Variants in ZNF485 observed in about 807,000 individuals in gnomAD.
The protein encoded by ZNF485 is Zinc finger protein 93 (Zinc finger protein HTF34).
ZNF485 carries 9 observed loss-of-function variants against 10.8 expected under a neutral mutation model. The ratio of observed to expected loss-of-function variants is 0.83; its 90% CI spans 0.50 to 1.45. The LOEUF is 1.45. ZNF485 is among the 40% of genes most tolerant of loss of function. ZNF485 has a pLI of 0.00. For synonymous variants in ZNF485, 187 were observed against 181.0 expected (o/e 1.03, Z -0.27); for missense variants, 487 against 528.0 (o/e 0.92, Z 0.76).
intron 3 of ZNF485, among the ~76,000 whole-genome samples, 190 bp from the exon 4 acceptor site, chr10:43,609,065 C>A (rs7342073): frequency 0.68 from 103,802 of 151,776 alleles, 35,960 homozygotes; most frequent in East Asian, 0.78. Flanking sequence ...TGCCCCCTCC[C>A]TTTGCTTTAC....
Position 43,616,656 on chromosome 10 carries a change from C to T in ZNF485, c.613C>T (p.Gln205Ter). ...LKKHSTFINH[Q>*]RIHSREKPHK... ...GAAGCACTCAACGTTTATCAACCAT[C>T]AGAGAATTCATTCTAGGGAGAAACC... The change falls in exon 5 of 5, where the codon CAG becomes TAG. Residue 205 changes from glutamine (Q) to a stop codon, truncating the protein, a stop_gained. Coordinates refer to ENST00000361807, the MANE Select transcript of ZNF485 (RefSeq NM_145312.4). LOFTEE classifies it low-confidence loss of function (END_TRUNC). 2 of 1,614,170 alleles carry T rather than the reference C, an allele frequency of 1.2e-6. No individual in the cohort carries two copies. The highest frequency in any genetic ancestry group is 1.7e-5 in the Admixed American group (1 of 60,024).
chr10:43,609,778 T>A (rs1347627590), intron 4 of ZNF485, among the ~76,000 whole-genome samples: 1 of 152,188 alleles, frequency 6.6e-6, no homozygotes, highest in Non-Finnish European at 1.5e-5. Context: ...ACTCAAGCCG[T>A]CCTCCTGCCT....
chr10:43,608,886 T>C, intron 3 of ZNF485, 146 bp downstream of exon 3: 1 of 1,136,430 alleles, frequency 8.8e-7, no homozygotes, highest in Non-Finnish European at 1.2e-6. Context: ...GAGGCTGGAG[T>C]TTATGCCCCT....
At chr10:43,611,572 T>C (rs529669804) in intron 4 of ZNF485, among the ~76,000 whole-genome samples, 1 of 152,264 alleles carries the variant, frequency 6.6e-6, no homozygotes, top group Admixed American at 6.5e-5. Context: ...ATCCACCAAA[T>C]TTGGTGGGTA....
At position 43,606,458 on chromosome 10, in the gene ZNF485, G is replaced by A. The variant is rs537064926; in HGVS notation, c.-143G>A. ...TCCGCGTGGTGCGAGCGCTGCACCA[G>A]CCCCTGGCTGGTGGTTACTGTCCGA... On this transcript the variant is annotated 5_prime_UTR_variant, in exon 1 of 5. Transcript: ENST00000361807. 2.4e-4 allele frequency: 97 copies of A among 411,308 alleles called. No individual in the cohort carries two copies. The Admixed American group carries it at 2.6e-3, about 11-fold the overall frequency. The allele number at this position is 411,308 out of a possible 1,614,324, so 25.5% of individuals were successfully genotyped here. A position where few individuals can be genotyped will look rare whatever the true frequency, so the allele number is the denominator to read the frequency against.
At position 43,616,746 on chromosome 10, in the gene ZNF485, A is replaced by G. The variant is rs1421165961; in HGVS notation, c.703A>G (p.Ile235Val). ...KNSILLSHQR[I>V]HTGQKPYKCN... ...CTCAATCCTTTTAAGTCATCAGAGA[A>G]TTCATACTGGCCAGAAACCCTACAA... The change falls in exon 5 of 5, where the codon ATT becomes GTT. Residue 235 changes from isoleucine to valine, a missense_variant. Transcript: ENST00000361807. 6.2e-7 allele frequency: 1 copy of G among 1,614,164 alleles called. No homozygotes were observed. Among genetic ancestry groups the G allele is most frequent in the Admixed American group, 1.7e-5 (1 of 60,032 alleles).
At position 43,616,961 on chromosome 10, in the gene ZNF485, C is replaced by T; in HGVS notation, c.918C>T (p.Ala306=). The T allele has an allele frequency of 1.2e-6, 2 of 1,614,068 alleles. No homozygotes were observed. The highest frequency in any genetic ancestry group is 1.7e-6 in the Non-Finnish European group (2 of 1,180,026). Residue 306 remains alanine, a synonymous_variant, in exon 5 of 5, where the codon GCC becomes GCT. Coordinates refer to ENST00000361807, the MANE Select transcript of ZNF485 (RefSeq NM_145312.4). Reference sequence around the variant, plus strand: ...ATCAGTGTAATGAATGTGGAAAAGCCTTTAGGAAGAGCTCAACTCTTATTA... The same window carrying T: ...ATCAGTGTAATGAATGTGGAAAAGCTTTTAGGAAGAGCTCAACTCTTATTA... ...KPYQCNECGK[A]FRKSSTLISH...
At chr10:43,609,493 C>T (rs1278202336) in intron 4 of ZNF485, 143 bp downstream of exon 4, 1 of 623,582 alleles carries the variant, frequency 1.6e-6, no homozygotes, top group African/African-American at 1.8e-5. Context: ...TGTCAAGTGG[C>T]TGGCCGCTTT....
At chr10:43,611,550 T>G (rs994720395) in intron 4 of ZNF485, among the ~76,000 whole-genome samples, 1 of 152,180 alleles carries the variant, frequency 6.6e-6, no homozygotes, top group Non-Finnish European at 1.5e-5. Context: ...TGTTAAAGGT[T>G]AAAATTTTTA....
In ZNF485 at chr10:43,609,776, C is replaced by T. The variant is rs182446317; in HGVS notation, c.247+426C>T. Among the ~76,000 whole-genome samples the T allele has an allele frequency of 1.2e-4, 19 of 152,250 alleles. No homozygotes were observed. The East Asian group carries it at 1.7e-3, about 14-fold the overall frequency. On this transcript the variant is annotated intron_variant, in intron 4 of 4. Transcript: ENST00000361807. ...GCAACCTCAAAGTCTGGACTCAAGC[C>T]GTCCTCCTGCCTCAGGCCCCTGAGT...
chr10:43,617,162 GAGAATTC>G lies in ZNF485; in HGVS notation c.1121_1127del (p.Arg374IlefsTer63), dbSNP rs1838879419. 6.2e-7 allele frequency: 1 copy of G among 1,614,086 alleles called. No homozygotes were observed. Among genetic ancestry groups the G allele is most frequent in the African/African-American group, 1.3e-5 (1 of 74,942 alleles). ...AGAGCTCAACCCTTACTGGACATCA[GAGAATTC>G]ATACTGGAGAAAAACCCTATCACTG... On this transcript the variant is annotated frameshift_variant, in exon 5 of 5. Transcript: ENST00000361807. LOFTEE classifies it low-confidence loss of function (END_TRUNC).
intron 2 of ZNF485, 49 bp from the exon 3 acceptor site, chr10:43,608,565 G>C (rs1209342222): frequency 1.9e-6 from 3 of 1,564,366 alleles, no homozygotes; most frequent in African/African-American, 1.4e-5. Context: ...CTCTTGGGAT[G>C]CCTCCCTCAG....
chr10:43,609,378 A>C (rs567815309), intron 4 of ZNF485, 28 bp downstream of exon 4: 14 of 1,585,394 alleles, frequency 8.8e-6, no homozygotes, highest in Non-Finnish European at 1.1e-5. Flanking sequence ...ATCCCAGCAG[A>C]AGCTGAGCAC....
chr10:43,614,963 G>A (rs1838827791), intron 4 of ZNF485, among the ~76,000 whole-genome samples: 1 of 152,196 alleles, frequency 6.6e-6, no homozygotes, highest in Non-Finnish European at 1.5e-5. Context: ...TCTTCACGTT[G>A]CCAGCTTTAC....
chr10:43,610,040 A>G (rs577450364), intron 4 of ZNF485, among the ~76,000 whole-genome samples: 3 of 152,220 alleles, frequency 2.0e-5, no homozygotes, highest in East Asian at 1.9e-4. Flanking sequence ...CTAACTCACT[A>G]TATACCACTT....
intron 3 of ZNF485, 38 bp downstream of exon 3, chr10:43,608,778 C>T (rs1420939883): frequency 6.2e-7 from 1 of 1,600,516 alleles, no homozygotes; most frequent in Non-Finnish European, 8.5e-7. Flanking sequence ...GATTGGTCTG[C>T]TGGGCAACTT....
In ZNF485 at chr10:43,616,619, G is replaced by T. The variant is rs758595851; in HGVS notation, c.576G>T (p.Gly192=). ...AGCCTTATAGATGTATTGAATGTGG[G>T]AAGTTCCTGAAGAAGCACTCAACGT... ...GKQPYRCIEC[G]KFLKKHSTFI... The change falls in exon 5 of 5, where the codon GGG becomes GGT. Residue 192 remains glycine, a synonymous_variant. Coordinates refer to ENST00000361807, the MANE Select transcript of ZNF485 (RefSeq NM_145312.4). 6.2e-7 allele frequency: 1 copy of T among 1,614,208 alleles called. No individual in the cohort carries two copies. The highest frequency in any genetic ancestry group is 1.7e-5 in the Admixed American group (1 of 60,024).
At chr10:43,611,031 C>T (rs572115945) in intron 4 of ZNF485, among the ~76,000 whole-genome samples, 1 of 151,694 alleles carries the variant, frequency 6.6e-6, no homozygotes, top group Admixed American at 6.6e-5. Context: ...TCTCTCTCTC[C>T]TCTCTCTCTT....
At position 43,608,706 on chromosome 10, in the gene ZNF485, G is replaced by A; in HGVS notation, c.117G>A (p.Val39=). 6.2e-7 allele frequency: 1 copy of A among 1,614,170 alleles called. No individual in the cohort carries two copies. Among genetic ancestry groups the A allele is most frequent in the South Asian group, 1.1e-5 (1 of 91,064 alleles). ...CTCAGCGGGCCCTGTACAGGGATGT[G>A]ATGCTGGAGAACTATGGGAATCTGG... ...DAAQRALYRD[V]MLENYGNLVS... is the part of the protein sequence containing the mutation. The change falls in exon 3 of 5, where the codon GTG becomes GTA. Residue 39 remains valine (V), a synonymous_variant. Coordinates refer to ENST00000361807, the MANE Select transcript of ZNF485 (RefSeq NM_145312.4).
Sources: allele counts gnomAD v4.1 joint callset (sites outside exome capture counted in the v4.1 genomes callset), GRCh38; gene constraint gnomAD v4.1.1; transcripts MANE v1.5; gene names NCBI Gene and HGNC (gene_info 2026-07-23, HGNC 2026-07-21).